Variants in CCDC146 observed in about 807,000 individuals in gnomAD.
CCDC146 encodes the protein coiled-coil domain containing 146, also known as coiled-coil domain-containing protein 146.
Under a neutral mutation model 119.3 loss-of-function variants are expected in CCDC146, and 92 were observed. The observed-to-expected ratio is 0.77, with a 90% CI of 0.65 to 0.92. The LOEUF (loss-of-function observed/expected upper bound fraction) is 0.92, where lower values mean the gene tolerates loss of function less well. Among genes scored for constraint, CCDC146 ranks in the 40% least tolerant of loss-of-function variants. The pLI is 0.00. For missense variants in CCDC146, 1,000 were observed against 1,103.0 expected (o/e 0.91, Z 1.32); for synonymous variants, 372 against 371.8 (o/e 1.00, Z -0.01).
intron 4 of CCDC146, chr7:77,242,326 CAT>C: frequency 1.0e-6 from 1 of 970,744 alleles, no homozygotes; most frequent in Non-Finnish European, 1.2e-6. Flanking sequence ...CTGAGGGTCA[CAT>C]GTCATCTGGC....
chr7:77,247,501 A>G (rs1792975898), intron 4 of CCDC146, among the ~76,000 whole-genome samples: 2 of 152,358 alleles, frequency 1.3e-5, no homozygotes, highest in African/African-American at 4.8e-5. Context: ...CTATTTAAAG[A>G]TCTAAACTCA....
At chr7:77,163,655 AG>A (rs1170296954) in intron 1 of CCDC146, among the ~76,000 whole-genome samples, 1 of 152,086 alleles carries the variant, frequency 6.6e-6, no homozygotes, top group Non-Finnish European at 1.5e-5. Context: ...AAAGTTCTTT[AG>A]GATATATTAT....
chr7:77,289,307 C>T (rs1260763229), intron 17 of CCDC146, among the ~76,000 whole-genome samples: 1 of 152,192 alleles, frequency 6.6e-6, no homozygotes, highest in Non-Finnish European at 1.5e-5. Context: ...AAGAAATGTA[C>T]ATAGCGGCCG....
intron 2 of CCDC146, among the ~76,000 whole-genome samples, chr7:77,210,100 A>G (rs1480153347): frequency 6.6e-6 from 1 of 152,140 alleles, no homozygotes; most frequent in Non-Finnish European, 1.5e-5. Flanking sequence ...TCTCCCCACA[A>G]ACTGGATTTT....
At chr7:77,188,557 A>G (rs1791707608) in intron 2 of CCDC146, among the ~76,000 whole-genome samples, 1 of 152,212 alleles carries the variant, frequency 6.6e-6, no homozygotes, top group African/African-American at 2.4e-5. Context: ...ACTTATGCAC[A>G]GGTACACACA....
chr7:77,149,299 C>A (rs1791071921), intron 1 of CCDC146, among the ~76,000 whole-genome samples: 1 of 152,128 alleles, frequency 6.6e-6, no homozygotes, highest in Admixed American at 6.6e-5. Context: ...AACTGGATCC[C>A]TTCCTTACAC....
chr7:77,172,097 ACTC>A (rs931852928), intron 2 of CCDC146, among the ~76,000 whole-genome samples: 9 of 152,148 alleles, frequency 5.9e-5, no homozygotes, highest in African/African-American at 1.7e-4. Context: ...CTGCCTGAGA[ACTC>A]CTCCTCAAAA....
intron 2 of CCDC146, among the ~76,000 whole-genome samples, chr7:77,202,278 T>A (rs991080703): frequency 6.6e-6 from 1 of 152,252 alleles, no homozygotes; most frequent in Admixed American, 6.5e-5. Context: ...ATTAAAGACC[T>A]GGTATTTTCT....
At chr7:77,154,232 A>G (rs1239397606) in intron 1 of CCDC146, among the ~76,000 whole-genome samples, 1 of 152,154 alleles carries the variant, frequency 6.6e-6, no homozygotes, top group Admixed American at 6.5e-5. Flanking sequence ...GGAAGAGGAT[A>G]TCTGACTTTT....
In CCDC146 at chr7:77,254,550, TAAC is replaced by T. The variant is rs755727834; in HGVS notation, c.497_499del (p.Thr166del). 1.4e-5 allele frequency: 21 copies of T among 1,536,204 alleles called. 1 individual carries two copies. In the South Asian group the frequency reaches 2.1e-4, roughly 15 times the overall value. On this transcript the variant is annotated inframe_deletion, in exon 5 of 19. Transcript: ENST00000285871. The stretch of plus-strand genomic sequence containing the variant: ...ATCATAGTAAAAGAATTTGAGAAGA[TAAC>T]AAAGCCAGGAGTAAGTCTTAGATGA...
intron 2 of CCDC146, among the ~76,000 whole-genome samples, chr7:77,221,049 C>G (rs536379346): frequency 6.6e-6 from 1 of 152,260 alleles, no homozygotes; most frequent in African/African-American, 2.4e-5. Context: ...GGCAGGAACA[C>G]AAGCAAGAGA....
chr7:77,166,740 G>A (rs1283445136), intron 1 of CCDC146, among the ~76,000 whole-genome samples: 4 of 151,764 alleles, frequency 2.6e-5, no homozygotes, highest in African/African-American at 7.3e-5. Flanking sequence ...TTATATATTG[G>A]TAACCTTCAG....
intron 1 of CCDC146, among the ~76,000 whole-genome samples, chr7:77,164,069 G>T (rs1179816027): frequency 1.3e-5 from 2 of 151,794 alleles, no homozygotes; most frequent in African/African-American, 4.8e-5. Context: ...CACCATGTTT[G>T]CCAGGCTAGT....
chr7:77,153,838 C>T (rs1791141839), intron 1 of CCDC146, among the ~76,000 whole-genome samples: 3 of 151,860 alleles, frequency 2.0e-5, no homozygotes. Context: ...ATCAAGTTTA[C>T]ACAAAAATGT....
At chr7:77,191,053 C>T (rs369319626) in intron 2 of CCDC146, among the ~76,000 whole-genome samples, 29 of 152,242 alleles carry the variant, frequency 1.9e-4, no homozygotes, top group African/African-American at 6.7e-4. Flanking sequence ...GCCACTGTTA[C>T]ATTCCCAGTC....
rs562730607 is a variant in CCDC146, at chr7:77,183,207, A to G, written c.156+15383A>G. On this transcript the variant is annotated intron_variant, in intron 2 of 18. Coordinates refer to ENST00000285871, the MANE Select transcript of CCDC146 (RefSeq NM_020879.3). ...AAACAGGGCTTCCCACCCTCAGGCT[A>G]TATATTTCTTCTCTGTATCTTTTTC... 2.0e-4 allele frequency among the ~76,000 whole-genome samples: 30 copies of G among 151,786 alleles called. No individual in the cohort carries two copies. In the South Asian group the frequency reaches 3.8e-3, roughly 19 times the overall value.
intron 8 of CCDC146, among the ~76,000 whole-genome samples, chr7:77,260,788 G>A (rs1000642279): frequency 3.6e-4 from 5 of 13,946 alleles, no homozygotes; most frequent in Admixed American, 1.0e-3. Context: ...CACCACGCCC[G>A]GCTAATTTTT....
intron 9 of CCDC146, among the ~76,000 whole-genome samples, chr7:77,273,164 T>G (rs953514073): frequency 2.6e-5 from 4 of 152,214 alleles, no homozygotes. Context: ...GTTGCTTAAA[T>G]GTGTTTGTGC....
chr7:77,287,887 T>G (rs1257657720), intron 17 of CCDC146, among the ~76,000 whole-genome samples: 1 of 152,252 alleles, frequency 6.6e-6, no homozygotes, highest in Non-Finnish European at 1.5e-5. Context: ...TAAATCCTTT[T>G]TAGTTCCTTT....
Sources: gnomAD v4.1 joint callset for allele counts (sites outside exome capture counted in the v4.1 genomes callset) on GRCh38, gnomAD v4.1.1 for gene constraint, MANE v1.5 for transcripts, NCBI Gene and HGNC (gene_info 2026-07-23, HGNC 2026-07-21) for gene names.